Variants in NINL observed in about 807,000 individuals in gnomAD.
The protein encoded by NINL is ninein like, also known as ninein-like protein.
NINL carries 153 observed loss-of-function variants against 160.3 expected under a neutral mutation model. The ratio of observed to expected loss-of-function variants is 0.95; its 90% confidence interval spans 0.84 to 1.09. NINL has a LOEUF of 1.09. Among genes scored for constraint, NINL ranks in the 50% least tolerant of loss-of-function variants. The pLI, the probability that NINL is intolerant of heterozygous loss-of-function variation, is 0.00. For synonymous variants in NINL, 800 were observed against 734.8 expected (o/e 1.09, Z -1.43); for missense variants, 1,829 against 1,764.0 (o/e 1.04, Z -0.66).
intron 2 of NINL, among the ~76,000 whole-genome samples, chr20:25,521,402 AAT>A (rs941402778): frequency 2.6e-4 from 40 of 152,242 alleles, no homozygotes; most frequent in Admixed American, 2.3e-3. Context: ...TAACAATTCT[AAT>A]ATCTCACATA....
At chr20:25,489,109 C>A in intron 13 of NINL, 135 bp downstream of exon 13, 1 of 856,862 alleles carries the variant, frequency 1.2e-6, no homozygotes. Flanking sequence ...AGGAGTGTGG[C>A]AAGGCCATGG....
At chr20:25,464,143 G>C (rs377003512) in intron 19 of NINL, among the ~76,000 whole-genome samples, 1 of 152,268 alleles carries the variant, frequency 6.6e-6, no homozygotes, top group Admixed American at 6.5e-5. Context: ...GTGGCTGGGC[G>C]TGGTGGCTCA....
At chr20:25,551,823 T>C (rs909251539) in intron 1 of NINL, among the ~76,000 whole-genome samples, 3 of 152,202 alleles carry the variant, frequency 2.0e-5, no homozygotes, top group South Asian at 2.1e-4. Context: ...GTCATCAACA[T>C]TGTCAGTGTG....
At chr20:25,515,781 GT>G (rs575717789) in intron 3 of NINL, among the ~76,000 whole-genome samples, 1 of 151,714 alleles carries the variant, frequency 6.6e-6, no homozygotes, top group Non-Finnish European at 1.5e-5. Flanking sequence ...TTTTTGTTTT[GT>G]TTTTTTGAGA....
intron 10 of NINL, among the ~76,000 whole-genome samples, chr20:25,493,850 G>C (rs1007954994): frequency 2.0e-5 from 3 of 152,060 alleles, no homozygotes; most frequent in African/African-American, 7.3e-5. Context: ...CCTCCATGTG[G>C]AGGGCAAGGG....
At chr20:25,553,034 C>T (rs1238924107) in intron 1 of NINL, among the ~76,000 whole-genome samples, 2 of 150,954 alleles carry the variant, frequency 1.3e-5, no homozygotes, top group African/African-American at 4.9e-5. Context: ...ACTGGTGCAG[C>T]GGCCTTGCTC....
chr20:25,554,216 T>C (rs1225976843), intron 1 of NINL, among the ~76,000 whole-genome samples: 1 of 152,092 alleles, frequency 6.6e-6, no homozygotes, highest in East Asian at 1.9e-4. Flanking sequence ...GGCTGCACTC[T>C]GCGGAGCATG....
Position 25,476,714 on chromosome 20 carries a change from G to C in NINL, c.2577C>G (p.Ala859=). The C allele has an allele frequency of 6.2e-7, 1 of 1,600,674 alleles. No individual in the cohort carries two copies. Among genetic ancestry groups the C allele is most frequent in the Non-Finnish European group, 8.5e-7 (1 of 1,177,498 alleles). The part of the protein sequence containing the change: ...LRPGCGERPL[A]WLAPGDGRES... ...CTCTGCCATCACCTGGGGCCAGCCA[G>C]GCCAGTGGCCGCTCCCCACAGCCCG... The change falls in exon 17 of 24, where the codon GCC becomes GCG. Residue 859 remains alanine, a synonymous_variant. Coordinates refer to ENST00000278886, the MANE Select transcript of NINL (RefSeq NM_025176.6).
chr20:25,463,454 T>C (rs1475558187), intron 19 of NINL, among the ~76,000 whole-genome samples: 1 of 152,172 alleles, frequency 6.6e-6, no homozygotes, highest in Admixed American at 6.5e-5. Context: ...TTTTGCTTTT[T>C]CTCAATAGCA....
chr20:25,573,062 C>T (rs750565911), intron 1 of NINL, among the ~76,000 whole-genome samples: 1 of 152,164 alleles, frequency 6.6e-6, no homozygotes, highest in East Asian at 1.9e-4. Flanking sequence ...TTTGGGAGGC[C>T]GAGGCGGGCG....
chr20:25,518,754 C>T (rs922176583), intron 2 of NINL, among the ~76,000 whole-genome samples: 17 of 152,176 alleles, frequency 1.1e-4, no homozygotes, highest in Admixed American at 2.0e-4. Context: ...TCCCCTCCCC[C>T]ACCCTGCTTT....
chr20:25,574,058 C>T (rs910310691), intron 1 of NINL, among the ~76,000 whole-genome samples: 4 of 152,058 alleles, frequency 2.6e-5, no homozygotes, highest in Non-Finnish European at 5.9e-5. Context: ...CCAGCCACAC[C>T]CCTGCCCTTC....
chr20:25,505,047 A>C lies in NINL; in HGVS notation c.549T>G (p.Phe183Leu). 3 of 1,605,802 alleles carry C rather than the reference A, an allele frequency of 1.9e-6. No homozygotes were observed. The highest frequency in any genetic ancestry group is 2.6e-6 in the Non-Finnish European group (3 of 1,175,310). Reference sequence around the variant, plus strand: ...GGCTGCAGGACTTCTGGGGGCTCCCAAAGTCCTCAGAATCCCAGGTCTGCA... The same window carrying C: ...GGCTGCAGGACTTCTGGGGGCTCCCCAAGTCCTCAGAATCCCAGGTCTGCA... The part of the protein sequence containing the change: ...GQLQTWDSED[F>L]GSPQKSCSPS... The change falls in exon 6 of 24, where the codon TTT becomes TTG. Residue 183 changes from phenylalanine (F) to leucine (L), a missense_variant. Transcript: ENST00000278886.
chr20:25,496,163 TA>T (rs2063748520), intron 10 of NINL, among the ~76,000 whole-genome samples: 1 of 152,080 alleles, frequency 6.6e-6, no homozygotes, highest in African/African-American at 2.4e-5. Context: ...AAAACAAAAA[TA>T]AAAACAAATC....
At chr20:25,483,087 C>T (rs941611053) in intron 13 of NINL, among the ~76,000 whole-genome samples, 5 of 150,982 alleles carry the variant, frequency 3.3e-5, no homozygotes, top group Non-Finnish European at 5.9e-5. Context: ...GTAATCCCAG[C>T]ACTTTGGGAG....
chr20:25,481,498 G>A (rs944439623), intron 14 of NINL, among the ~76,000 whole-genome samples: 5 of 152,220 alleles, frequency 3.3e-5, no homozygotes, highest in Non-Finnish European at 7.4e-5. Context: ...AGTTGGCCAG[G>A]TGGGGCCGCT....
chr20:25,468,260 T>C (rs1450358685), intron 18 of NINL, among the ~76,000 whole-genome samples: 1 of 148,532 alleles, frequency 6.7e-6, no homozygotes, highest in African/African-American at 2.5e-5. Context: ...CCCCGCCAAC[T>C]CTCACTGACA....
chr20:25,454,686 C>T lies in NINL; in HGVS notation c.3957+987G>A, dbSNP rs114485811. On this transcript the variant is annotated intron_variant, in intron 23 of 23. Coordinates refer to ENST00000278886, the MANE Select transcript of NINL (RefSeq NM_025176.6). ...CCTAACACTGAATGTGGTCCGTGGC[C>T]GGGCCTCTTCTGTGTGTGCACCCCA... is the stretch of plus-strand genomic sequence containing the variant. Among the ~76,000 whole-genome samples the T allele has an allele frequency of 5.1e-3, 780 of 152,224 alleles. 2 individuals carry two copies. The highest frequency in any genetic ancestry group is 5.7e-3 in the Non-Finnish European group (390 of 67,994).
intron 1 of NINL, among the ~76,000 whole-genome samples, chr20:25,541,118 C>G (rs535587113): frequency 6.6e-6 from 1 of 152,240 alleles, no homozygotes; most frequent in Admixed American, 6.5e-5. Flanking sequence ...TCTGTGGTCT[C>G]CTAAAAAAAG....
Sources: allele counts gnomAD v4.1 joint callset (sites outside exome capture counted in the v4.1 genomes callset), GRCh38; gene constraint gnomAD v4.1.1; transcripts MANE v1.5; gene names NCBI Gene and HGNC (gene_info 2026-07-23, HGNC 2026-07-21).